The following FPR3 variants were observed in gnomAD, a reference collection of about 807,000 sequenced individuals.
FPR3 encodes formyl peptide receptor 3.
For synonymous variants in FPR3, 135 were observed against 163.6 expected (o/e 0.83, Z 1.34); for missense variants, 346 against 443.2 (o/e 0.78, Z 1.97).
At chr19:51,810,966 G>T (rs2084092671) in intron 1 of FPR3, among the ~76,000 whole-genome samples, 1 of 152,164 alleles carries the variant, frequency 6.6e-6, no homozygotes, top group Non-Finnish European at 1.5e-5. Context: ...TGCTACCAAA[G>T]GAGGCAATAC....
rs1442035638 is a variant in FPR3 at position 51,824,111 on chromosome 19, G to T, written c.363G>T (p.Leu121=). 1 of 1,613,836 alleles carries T rather than the reference G, an allele frequency of 6.2e-7. No individual in the cohort carries two copies. Among genetic ancestry groups the T allele is most frequent in the East Asian group, 2.2e-5 (1 of 44,872 alleles). The change falls in exon 2 of 2, where the codon CTG becomes CTT. Residue 121 remains leucine (L), a synonymous_variant. Coordinates refer to ENST00000339223, the MANE Select transcript of FPR3 (RefSeq NM_002030.5). The surrounding 1 kb of genome is among the most constrained non-coding windows in gnomAD (Gnocchi z 4.7). ...VSVYLITIIA[L]DRCICVLHPA... Reference sequence around the variant, plus strand: ...TCTACCTGATCACCATCATTGCTCTGGACCGCTGTATTTGTGTCCTGCATC... The same window carrying T: ...TCTACCTGATCACCATCATTGCTCTTGACCGCTGTATTTGTGTCCTGCATC...
chr19:51,796,027 G>A (rs2083996687), intron 1 of FPR3, among the ~76,000 whole-genome samples: 1 of 152,164 alleles, frequency 6.6e-6, no homozygotes, highest in Non-Finnish European at 1.5e-5. Flanking sequence ...CTAGTGTGGA[G>A]GGTATTTAAG....
chr19:51,803,809 C>A (rs1020279017), intron 1 of FPR3: 1 of 152,122 alleles, frequency 6.6e-6, no homozygotes, highest in African/African-American at 2.4e-5. Context: ...TTCCCACTGG[C>A]CTTGGTTAAT....
At chr19:51,816,124 A>G (rs1160710842) in intron 1 of FPR3, among the ~76,000 whole-genome samples, 6 of 151,842 alleles carry the variant, frequency 4.0e-5, no homozygotes, top group Non-Finnish European at 7.4e-5. Flanking sequence ...GTTGGTGAAC[A>G]CAAAGAGGTG....
At chr19:51,806,017 T>C in intron 1 of FPR3, among the ~76,000 whole-genome samples, 1 of 152,166 alleles carries the variant, frequency 6.6e-6, no homozygotes, top group East Asian at 1.9e-4. Flanking sequence ...GATTTACAGG[T>C]CAACTGGGTA....
At chr19:51,804,715 T>C (rs181202352) in intron 1 of FPR3, 1 of 152,234 alleles carries the variant, frequency 6.6e-6, no homozygotes, top group East Asian at 1.9e-4. Context: ...CCCGATTCTG[T>C]GGCTGTTCGG....
rs1324381794 is a variant in FPR3, at chr19:51,802,259, T to C, written c.-11+6928T>C. Reference sequence around the variant, plus strand: ...CGATGGATGACTACAGCAGACGGGCTGTTGAGGGCTGCCTCAGCTCTTCAG... The same window carrying C: ...CGATGGATGACTACAGCAGACGGGCCGTTGAGGGCTGCCTCAGCTCTTCAG... On this transcript the variant is annotated intron_variant, in intron 1 of 1. Coordinates refer to ENST00000339223, the MANE Select transcript of FPR3 (RefSeq NM_002030.5). Among the ~76,000 whole-genome samples, 3 of 151,812 alleles carry C rather than the reference T, an allele frequency of 2.0e-5. No homozygotes were observed. In the East Asian group the frequency reaches 5.8e-4, roughly 29 times the overall value.
At chr19:51,796,698 A>T (rs1196508666) in intron 1 of FPR3, among the ~76,000 whole-genome samples, 1 of 152,198 alleles carries the variant, frequency 6.6e-6, no homozygotes, top group African/African-American at 2.4e-5. Context: ...TGAGTTCTAG[A>T]TCTGGAGCTT....
intron 1 of FPR3, among the ~76,000 whole-genome samples, chr19:51,809,193 T>C (rs1333165520): frequency 3.3e-5 from 5 of 152,234 alleles, no homozygotes; most frequent in African/African-American, 1.2e-4. Context: ...ACCCCATAAA[T>C]TGATAGCTAT....
intron 1 of FPR3, among the ~76,000 whole-genome samples, chr19:51,798,070 T>C (rs1317093292): frequency 7.9e-5 from 12 of 151,994 alleles, no homozygotes; most frequent in Non-Finnish European, 1.5e-5. Flanking sequence ...CCATTTCAGT[T>C]CTGCAGAGGG....
At chr19:51,799,969 T>C (rs2084019339) in intron 1 of FPR3, among the ~76,000 whole-genome samples, 1 of 152,210 alleles carries the variant, frequency 6.6e-6, no homozygotes, top group African/African-American at 2.4e-5. Flanking sequence ...TCCTCAGCTC[T>C]ACCTCCATCT....
chr19:51,825,100 T>C lies in FPR3; in HGVS notation c.*290T>C, dbSNP rs933697110. ...CTCCAGTTGAGACACAAGTCACAAATCCAGGCTTCTGAAACTTCGGACCAA... is the reference window on the plus strand; with the variant it reads ...CTCCAGTTGAGACACAAGTCACAAACCCAGGCTTCTGAAACTTCGGACCAA... On this transcript the variant is annotated 3_prime_UTR_variant, in exon 2 of 2. Transcript: ENST00000339223. The C allele has an allele frequency of 6.5e-6, 2 of 306,354 alleles. No individual in the cohort carries two copies. Among genetic ancestry groups the C allele is most frequent in the African/African-American group, 4.4e-5 (2 of 45,944 alleles). 19.0% of individuals were successfully genotyped at this position (306,354 alleles called of 1,614,324 possible).
intron 1 of FPR3, among the ~76,000 whole-genome samples, chr19:51,810,151 G>A (rs1211977476): frequency 6.6e-6 from 1 of 152,060 alleles, no homozygotes; most frequent in Admixed American, 6.6e-5. Context: ...TTGACCCTTG[G>A]CTCCTTTTAG....
chr19:51,795,501 ATTCTTTTT>A (rs1257114740), intron 1 of FPR3, among the ~76,000 whole-genome samples, 170 bp downstream of exon 1: 9 of 77,100 alleles, frequency 1.2e-4, no homozygotes, highest in South Asian at 1.1e-3. Flanking sequence ...TTCCAGTAAC[ATTCTTTTT>A]TTTTTTTTTT....
chr19:51,797,617 T>C (rs1052652176), intron 1 of FPR3, among the ~76,000 whole-genome samples: 1 of 152,158 alleles, frequency 6.6e-6, no homozygotes, highest in African/African-American at 2.4e-5. Flanking sequence ...GTGTGTTGAG[T>C]GCTTACACAT....
intron 1 of FPR3, among the ~76,000 whole-genome samples, chr19:51,802,044 C>T (rs1232709344): frequency 6.6e-6 from 1 of 152,142 alleles, no homozygotes; most frequent in East Asian, 1.9e-4. Flanking sequence ...AATGAGGCCC[C>T]TTAGTCCCCC....
chr19:51,817,075 G>A (rs1037101452), intron 1 of FPR3, among the ~76,000 whole-genome samples: 4 of 152,102 alleles, frequency 2.6e-5, no homozygotes, highest in Admixed American at 1.3e-4. Flanking sequence ...CCCACAGAAG[G>A]TTAGAGGTGA....
chr19:51,814,966 C>A (rs552662303), intron 1 of FPR3, among the ~76,000 whole-genome samples: 50 of 151,944 alleles, frequency 3.3e-4, no homozygotes, highest in African/African-American at 8.0e-4. Context: ...CCTGCCACCA[C>A]GTCTGGCTAA....
At chr19:51,807,026 G>A (rs2084063719) in intron 1 of FPR3, among the ~76,000 whole-genome samples, 1 of 152,200 alleles carries the variant, frequency 6.6e-6, no homozygotes, top group Non-Finnish European at 1.5e-5. Context: ...CTTTATGGTT[G>A]ACAATGTTGA....
Sources: gnomAD v4.1 joint callset for allele counts (sites outside exome capture counted in the v4.1 genomes callset) on GRCh38, gnomAD v4.1.1 for gene constraint, Gnocchi (gnomAD v3.1) non-coding constraint, MANE v1.5 for transcripts, NCBI Gene and HGNC (gene_info 2026-07-23, HGNC 2026-07-21) for gene names.